KL: variants seen among roughly 807,000 people sequenced by gnomAD.
The protein encoded by KL is klotho, also known as alpha-klotho.
In KL, 62 loss-of-function variants were observed where a neutral mutation model predicts 84.2. The observed-to-expected ratio is 0.74, with a 90% CI of 0.60 to 0.91. The LOEUF (loss-of-function observed/expected upper bound fraction) is 0.91, where lower values mean the gene tolerates loss of function less well. Ranked by LOEUF, KL falls within the 40% of genes least tolerant of loss-of-function variation. The pLI, the probability that KL is intolerant of heterozygous loss-of-function variation, is 0.00. For missense variants in KL, 1,261 were observed against 1,305.7 expected (o/e 0.97, Z 0.53); for synonymous variants, 528 against 528.0 (o/e 1.00, Z 0.00).
intron 3 of KL, among the ~76,000 whole-genome samples, chr13:33,059,778 C>A (rs554534708): frequency 1.3e-5 from 2 of 151,834 alleles, no homozygotes; most frequent in African/African-American, 4.8e-5. Flanking sequence ...GCCTCTCTCT[C>A]GGACTTTCTA....
At chr13:33,021,603 C>T (rs917082700) in intron 1 of KL, among the ~76,000 whole-genome samples, 4 of 152,126 alleles carry the variant, frequency 2.6e-5, no homozygotes, top group African/African-American at 9.7e-5. Context: ...GTATTTGGGG[C>T]CGGGCGCAGT....
rs76088787 is a variant in KL, at chr13:33,043,836, C to T, written c.820-9931C>T. ...TTAAAACCTGCTCATCAAATGTTAG[C>T]GAAATGTAAAGGCAAATCACATACT... On this transcript the variant is annotated intron_variant, in intron 1 of 4. Transcript: ENST00000380099. Among the ~76,000 whole-genome samples, 700 of 151,992 alleles carry T rather than the reference C, an allele frequency of 4.6e-3. 6 individuals are homozygous for T. Among genetic ancestry groups the T allele is most frequent in the African/African-American group, 0.015 (636 of 41,432 alleles).
At chr13:33,050,742 T>C (rs1403879788) in intron 1 of KL, among the ~76,000 whole-genome samples, 2 of 152,208 alleles carry the variant, frequency 1.3e-5, no homozygotes, top group Non-Finnish European at 2.9e-5. Context: ...GGTTTTGGCA[T>C]GAGGTGAGCA....
At position 33,019,730 on chromosome 13, in the gene KL, T is replaced by TGAGAGA. The variant is rs1189787025; in HGVS notation, c.819+2472_819+2473insAGAGAG. Among the ~76,000 whole-genome samples the TGAGAGA allele has an allele frequency of 6.9e-3, 614 of 88,580 alleles. 2 individuals carry two copies. Among genetic ancestry groups the TGAGAGA allele is most frequent in the Non-Finnish European group, 0.011 (408 of 38,102 alleles). 58.1% of individuals were successfully genotyped at this position (88,580 alleles called of 152,430 possible). The stretch of plus-strand genomic sequence containing the variant: ...AATGGTGTGTGTGTGTGTGTGTGTG[T>TGAGAGA]GTGAGAGAGAGAGAGAGAGAGAGAG... On this transcript the variant is annotated intron_variant, in intron 1 of 4. Transcript: ENST00000380099.
intron 1 of KL, among the ~76,000 whole-genome samples, chr13:33,041,045 T>A (rs1871320642): frequency 6.6e-6 from 1 of 152,188 alleles, no homozygotes; most frequent in Non-Finnish European, 1.5e-5. Context: ...CTAACTGGTA[T>A]CCTTGCTCCC....
intron 1 of KL, among the ~76,000 whole-genome samples, chr13:33,021,799 G>C (rs920470127): frequency 6.6e-6 from 1 of 152,286 alleles, no homozygotes; most frequent in Admixed American, 6.5e-5. Context: ...CAGGAGAATC[G>C]TTTGAACATG....
chr13:33,022,901 G>A (rs1413952432), intron 1 of KL, among the ~76,000 whole-genome samples: 1 of 152,208 alleles, frequency 6.6e-6, no homozygotes, highest in Non-Finnish European at 1.5e-5. Context: ...GGAATATTGC[G>A]CTTGCAGTCT....
At chr13:33,050,407 T>G (rs1011549878) in intron 1 of KL, among the ~76,000 whole-genome samples, 1 of 152,204 alleles carries the variant, frequency 6.6e-6, no homozygotes, top group African/African-American at 2.4e-5. Context: ...ATCTGTCAAA[T>G]GTACCATCCG....
chr13:33,061,400 T>G lies in KL; in HGVS notation c.2321T>G (p.Met774Arg). Residue 774 changes from methionine (M) to arginine (R), a missense_variant, in exon 4 of 5, where the codon ATG becomes AGG. Physicochemically the swap from Met to Arg is moderately conservative, Grantham distance 91 (BLOSUM62 -1). Transcript: ENST00000380099. ...GGCTCTGGAGATTATCCATGGGTGATGAGGGACTGGCTGAACCAAAGAAAC... is the reference window on the plus strand; with the variant it reads ...GGCTCTGGAGATTATCCATGGGTGAGGAGGGACTGGCTGAACCAAAGAAAC... ...IFGSGDYPWVMRDWLNQRNNF... is the reference protein window; with the variant it reads ...IFGSGDYPWVRRDWLNQRNNF... 1 of 1,614,174 alleles carries G rather than the reference T, an allele frequency of 6.2e-7. No individual in the cohort carries two copies. Among genetic ancestry groups the G allele is most frequent in the Non-Finnish European group, 8.5e-7 (1 of 1,180,022 alleles).
chr13:33,049,498 G>T (rs1487620308), intron 1 of KL, among the ~76,000 whole-genome samples: 2 of 152,218 alleles, frequency 1.3e-5, no homozygotes, highest in African/African-American at 4.8e-5. Context: ...CAGACATTTA[G>T]TCCATGCTAG....
chr13:33,043,037 T>G (rs2320762), intron 1 of KL, among the ~76,000 whole-genome samples: 53,535 of 152,016 alleles, frequency 0.35, 9,905 homozygotes, highest in East Asian at 0.51. Flanking sequence ...ACAAGTCTTT[T>G]GGGGGGCTTA....
At chr13:33,060,175 C>A (rs1872119585) in intron 3 of KL, among the ~76,000 whole-genome samples, 1 of 151,938 alleles carries the variant, frequency 6.6e-6, no homozygotes, top group South Asian at 2.1e-4. Context: ...CAACTCCTGG[C>A]CTCAAGTGAC....
rs978246760 is a variant in KL at position 33,065,908 on chromosome 13, A to G, written c.*1722A>G. The G allele has an allele frequency of 5.7e-6, 1 of 176,228 alleles. No homozygotes were observed. The highest frequency in any genetic ancestry group is 6.3e-5 in the Admixed American group (1 of 15,802). 10.9% of individuals were successfully genotyped at this position (176,228 alleles called of 1,614,324 possible). On this transcript the variant is annotated 3_prime_UTR_variant, in exon 5 of 5. Coordinates refer to ENST00000380099, the MANE Select transcript of KL (RefSeq NM_004795.4). ...CTTTCCTTTGTCATTATTAGTCTTC[A>G]AAAGCATGATTTTTAATAGTTGTTG...
chr13:33,044,006 A>G (rs975174392), intron 1 of KL, among the ~76,000 whole-genome samples: 1 of 152,154 alleles, frequency 6.6e-6, no homozygotes, highest in African/African-American at 2.4e-5. Flanking sequence ...TGGATCTATG[A>G]TCTGTCTCAA....
Position 33,016,535 on chromosome 13 carries a change from G to C in KL, c.95G>C (p.Arg32Pro). 1 of 1,374,522 alleles carries C rather than the reference G, an allele frequency of 7.3e-7. No individual in the cohort carries two copies. Among genetic ancestry groups the C allele is most frequent in the Non-Finnish European group, 9.4e-7 (1 of 1,069,092 alleles). The allele number at this position is 1,374,522 out of a possible 1,614,324, so 85.1% of individuals were successfully genotyped here. Residue 32 changes from arginine to proline, a missense_variant, in exon 1 of 5, where the codon CGT becomes CCT. Coordinates refer to ENST00000380099, the MANE Select transcript of KL (RefSeq NM_004795.4). ...CTGGGCCTGGGCGGCCGCCGCCTGC[G>C]TGCGGAGCCGGGCGACGGCGCGCAG... ...VLLGLGGRRL[R>P]AEPGDGAQTW...
chr13:33,018,831 C>T (rs927885096), intron 1 of KL, among the ~76,000 whole-genome samples: 2 of 152,024 alleles, frequency 1.3e-5, no homozygotes, highest in African/African-American at 2.4e-5. Flanking sequence ...TTTTAGAGTC[C>T]CTAGGATAAA....
rs767706878 is a variant in KL at position 33,017,267 on chromosome 13, C to G, written c.819+8C>G. The G allele has an allele frequency of 1.0e-4, 157 of 1,556,962 alleles. No homozygotes were observed. The highest frequency in any genetic ancestry group is 1.3e-4 in the Non-Finnish European group (153 of 1,157,430). ...GCGCACAACCTCCTCCTGGTGAGTG[C>G]GAGGGGCCAGGCGGAGGGCCACGCA... On this transcript the variant is annotated splice_region_variant and intron_variant, in intron 1 of 4. Coordinates refer to ENST00000380099, the MANE Select transcript of KL (RefSeq NM_004795.4).
At chr13:33,034,387 G>T in intron 1 of KL, among the ~76,000 whole-genome samples, 1 of 151,980 alleles carries the variant, frequency 6.6e-6, no homozygotes, top group East Asian at 1.9e-4. Flanking sequence ...ATTCTGTAAG[G>T]GTAGTTTTTA....
At chr13:33,031,571 A>G (rs998695445) in intron 1 of KL, among the ~76,000 whole-genome samples, 4 of 152,214 alleles carry the variant, frequency 2.6e-5, no homozygotes, top group African/African-American at 9.7e-5. Flanking sequence ...TTTATATAGG[A>G]ATCTTCATGT....
Sources: allele counts gnomAD v4.1 joint callset (sites outside exome capture counted in the v4.1 genomes callset), GRCh38; gene constraint gnomAD v4.1.1; transcripts MANE v1.5; gene names NCBI Gene and HGNC (gene_info 2026-07-23, HGNC 2026-07-21).